CCDC171: variants seen among roughly 807,000 people sequenced by gnomAD.
CCDC171 encodes the protein coiled-coil domain containing 171, also known as coiled-coil domain-containing protein 171.
CCDC171 carries 177 observed loss-of-function variants against 168.2 expected under a neutral mutation model. The ratio of observed to expected loss-of-function variants is 1.05; its 90% CI spans 0.93 to 1.19. CCDC171 has a LOEUF of 1.19. CCDC171 is among the 50% of genes most tolerant of loss of function. The pLI is 0.00. For missense variants in CCDC171, 1,991 were observed against 1,539.0 expected, an observed-to-expected ratio of 1.29 and a Z score of -4.91; for synonymous variants, 687 against 540.8, an observed-to-expected ratio of 1.27 and a Z score of -3.75.
intron 1 of CCDC171, among the ~76,000 whole-genome samples, chr9:16,057,957 A>G (rs1431829102): frequency 6.6e-6 from 1 of 151,976 alleles, no homozygotes; most frequent in Non-Finnish European, 1.5e-5. Flanking sequence ...GCACAAATGA[A>G]TCTCCTGAAT....
intron 7 of CCDC171, among the ~76,000 whole-genome samples, chr9:15,642,243 T>C (rs2046670566): frequency 1.3e-5 from 2 of 151,244 alleles, no homozygotes; most frequent in South Asian, 4.2e-4. Flanking sequence ...AAGCTGTATA[T>C]AGTTAAATTA....
chr9:15,583,800 T>A (rs1342945561), intron 4 of CCDC171, among the ~76,000 whole-genome samples: 2 of 151,964 alleles, frequency 1.3e-5, no homozygotes, highest in African/African-American at 4.8e-5. Context: ...GTGAAAAAAA[T>A]TGTCCTTGAT....
intron 18 of CCDC171, among the ~76,000 whole-genome samples, chr9:15,746,668 A>T (rs1037174481): frequency 6.6e-6 from 1 of 152,216 alleles, no homozygotes; most frequent in Non-Finnish European, 1.5e-5. Flanking sequence ...TCCGGTCTGC[A>T]ACTCCAGCAA....
rs1452049905 is a variant in CCDC171 at position 15,752,006 on chromosome 9, T to C, written c.2671+6375T>C. ...AATGGGAGAAAATTTTTGCAATTTA[T>C]CCATCTGACAAAGGGCTAATATCCA... On this transcript the variant is annotated intron_variant, in intron 18 of 25. Coordinates refer to ENST00000380701, the MANE Select transcript of CCDC171 (RefSeq NM_173550.4). Among the ~76,000 whole-genome samples the C allele has an allele frequency of 2.0e-5, 3 of 152,132 alleles. No homozygotes were observed. In the East Asian group the frequency reaches 5.8e-4, roughly 29 times the overall value.
chr9:15,706,354 G>A (rs1242815374), intron 11 of CCDC171, among the ~76,000 whole-genome samples: 1 of 151,774 alleles, frequency 6.6e-6, no homozygotes, highest in Non-Finnish European at 1.5e-5. Flanking sequence ...CAGTGGTGCA[G>A]TCATGGCTCA....
chr9:15,760,160 A>G (rs1263926906), intron 18 of CCDC171, among the ~76,000 whole-genome samples: 2 of 152,160 alleles, frequency 1.3e-5, no homozygotes, highest in African/African-American at 4.8e-5. Flanking sequence ...AATTTAAGCC[A>G]TTTTAAATAT....
At chr9:15,939,912 A>G (rs769687792) in intron 25 of CCDC171, among the ~76,000 whole-genome samples, 1 of 151,880 alleles carries the variant, frequency 6.6e-6, no homozygotes, top group Non-Finnish European at 1.5e-5. Context: ...AATAATGAAA[A>G]GGGATGGATA....
chr9:15,657,021 T>G (rs1453611030), intron 7 of CCDC171, 106 bp from the exon 8 acceptor site: 3 of 496,456 alleles, frequency 6.0e-6, no homozygotes, highest in Non-Finnish European at 1.0e-5. Flanking sequence ...AAAATGAGGC[T>G]GCAAGTCCAC....
intron 6 of CCDC171, among the ~76,000 whole-genome samples, chr9:15,621,166 C>T (rs1365407264): frequency 6.6e-6 from 1 of 152,130 alleles, no homozygotes; most frequent in Non-Finnish European, 1.5e-5. Context: ...GGGGTTTTGC[C>T]ATGTTGGCCA....
rs574924750 is a variant in CCDC171, at chr9:15,854,516, C to G, written c.3468+5569C>G. 4.8e-4 allele frequency among the ~76,000 whole-genome samples: 72 copies of G among 151,518 alleles called. 2 individuals are homozygous for G. The highest frequency in any genetic ancestry group is 1.7e-3 in the African/African-American group (70 of 41,392). ...GGTAAGGCATGCCAATATTATTTGT[C>G]TTTTTAAGGGTCCAACTTTTGGTTT... On this transcript the variant is annotated intron_variant, in intron 23 of 25. Coordinates refer to ENST00000380701, the MANE Select transcript of CCDC171 (RefSeq NM_173550.4).
chr9:15,930,994 T>A (rs1040450197), intron 25 of CCDC171, among the ~76,000 whole-genome samples: 5 of 151,620 alleles, frequency 3.3e-5, no homozygotes, highest in African/African-American at 1.2e-4. Flanking sequence ...CTAGCTATTT[T>A]CTAATATACA....
At chr9:15,646,897 G>A (rs990953504) in intron 7 of CCDC171, among the ~76,000 whole-genome samples, 5 of 152,222 alleles carry the variant, frequency 3.3e-5, no homozygotes, top group South Asian at 4.2e-4. Context: ...TGCACCAAGT[G>A]GACCTAATAG....
chr9:15,933,674 G>T (rs988947877), intron 25 of CCDC171, among the ~76,000 whole-genome samples: 8 of 151,788 alleles, frequency 5.3e-5, no homozygotes, highest in African/African-American at 1.9e-4. Flanking sequence ...ATAGATTTTG[G>T]TACGATATGT....
At chr9:15,777,869 G>T in intron 19 of CCDC171, 43 bp downstream of exon 19, 1 of 1,299,920 alleles carries the variant, frequency 7.7e-7, no homozygotes. Context: ...AGAACTTGTA[G>T]GTTTAATTTT....
intron 6 of CCDC171, among the ~76,000 whole-genome samples, chr9:16,024,031 G>A (rs1161935012): frequency 1.3e-5 from 2 of 152,068 alleles, no homozygotes; most frequent in African/African-American, 2.4e-5. Flanking sequence ...TTGTGATGAG[G>A]GAAGCAGAGG....
chr9:16,003,618 T>C lies in CCDC171; in HGVS notation n.369-16971T>C, dbSNP rs535210139. ...ATATATAAAAAGGCTTTTAAATACT[T>C]GGATATAAGAACTAAATACTCTGGT... On this transcript the variant is annotated intron_variant and non_coding_transcript_variant, in intron 3 of 9. Coordinates refer to the CCDC171 transcript ENST00000486641. 1.2e-4 allele frequency among the ~76,000 whole-genome samples: 18 copies of C among 152,306 alleles called. No individual in the cohort carries two copies. The East Asian group carries it at 3.5e-3, about 29-fold the overall frequency.
intron 24 of CCDC171, among the ~76,000 whole-genome samples, chr9:15,916,716 A>G (rs1203357750): frequency 6.6e-6 from 1 of 152,050 alleles, no homozygotes; most frequent in Non-Finnish European, 1.5e-5. Context: ...AACTTTTTAT[A>G]TTCTAATGCA....
At chr9:16,099,681 G>A in the CCDC171 span, among the ~76,000 whole-genome samples, 261 of 152,296 alleles carry the variant, frequency 1.7e-3, no homozygotes, top group Non-Finnish European at 3.0e-3. Context: ...ATATTCGTGG[G>A]CTTCTGGTGG....
In CCDC171 at chr9:16,013,732, T is replaced by C. The variant is rs12005212; in HGVS notation, n.369-6857T>C. Among the ~76,000 whole-genome samples the C allele has an allele frequency of 9.6e-3, 1,466 of 152,356 alleles. 19 individuals carry two copies. Among genetic ancestry groups the C allele is most frequent in the African/African-American group, 0.034 (1,403 of 41,578 alleles). ...AAAGTGAGTCACAGATAATTTTTAA[T>C]TTCCCAGTGCATATAAAAGCTATGT... is the stretch of plus-strand genomic sequence containing the variant. On this transcript the variant is annotated intron_variant and non_coding_transcript_variant, in intron 3 of 9. Transcript: ENST00000486641.
Sources: gnomAD v4.1 joint callset for allele counts (sites outside exome capture counted in the v4.1 genomes callset) on GRCh38, gnomAD v4.1.1 for gene constraint, MANE v1.5 for transcripts, NCBI Gene and HGNC (gene_info 2026-07-23, HGNC 2026-07-21) for gene names.